Variants in GALNT13 observed in about 807,000 individuals in gnomAD.
GALNT13 encodes polypeptide N-acetylgalactosaminyltransferase 13.
Under a neutral mutation model 64.2 loss-of-function variants are expected in GALNT13, and 28 were observed. That is an observed-to-expected ratio of 0.44 (90% confidence interval 0.32 to 0.60). The LOEUF (loss-of-function observed/expected upper bound fraction) is 0.60. GALNT13 is among the 20% of genes least tolerant of loss of function. GALNT13 has a pLI of 0.05. For missense variants in GALNT13, 577 were observed against 669.8 expected, an observed-to-expected ratio of 0.86 and a Z score of 1.53; for synonymous variants, 214 against 224.6, an observed-to-expected ratio of 0.95 and a Z score of 0.42.
At chr2:153,317,363 A>G in the GALNT13 span, among the ~76,000 whole-genome samples, 1 of 152,152 alleles carries the variant, frequency 6.6e-6, no homozygotes, top group Non-Finnish European at 1.5e-5. Flanking sequence ...GATAAGCAGA[A>G]ATGAGGAATA....
At chr2:153,746,330 G>C in the GALNT13 span, among the ~76,000 whole-genome samples, 5 of 152,132 alleles carry the variant, frequency 3.3e-5, no homozygotes, top group African/African-American at 1.2e-4. Context: ...GGATTAGTTA[G>C]CTAATGGATT....
At chr2:153,411,420 G>A in the GALNT13 span, among the ~76,000 whole-genome samples, 1 of 152,084 alleles carries the variant, frequency 6.6e-6, no homozygotes, top group East Asian at 1.9e-4. Context: ...CCTGACCCAG[G>A]CTTGATGAGA....
At chr2:154,230,503 G>A (rs1322578953) in intron 4 of GALNT13, among the ~76,000 whole-genome samples, 1 of 151,978 alleles carries the variant, frequency 6.6e-6, no homozygotes, top group Admixed American at 6.6e-5. Context: ...ATTCAAGAGA[G>A]TTCTTCACAA....
At chr2:154,217,635 G>GA (rs936163684) in intron 4 of GALNT13, among the ~76,000 whole-genome samples, 2 of 151,984 alleles carry the variant, frequency 1.3e-5, no homozygotes, top group Admixed American at 1.3e-4. Flanking sequence ...ATCAAAAAAG[G>GA]AAAAAATCTT....
the GALNT13 span, among the ~76,000 whole-genome samples, chr2:153,336,554 G>C: frequency 6.6e-6 from 1 of 152,048 alleles, no homozygotes; most frequent in Non-Finnish European, 1.5e-5. Flanking sequence ...TCTCCCATTT[G>C]GAACTTCTGT....
chr2:153,926,344 G>T (rs550970940), intron 2 of GALNT13: 1 of 152,004 alleles, frequency 6.6e-6, no homozygotes, highest in Admixed American at 6.6e-5. Flanking sequence ...TTAAAAGTGA[G>T]TAGTCTTTTC....
At chr2:154,386,954 C>A (rs1698542157) in intron 9 of GALNT13, among the ~76,000 whole-genome samples, 2 of 152,052 alleles carry the variant, frequency 1.3e-5, no homozygotes, top group East Asian at 1.9e-4. Flanking sequence ...GTCTGATAAT[C>A]CTCTTCCTGT....
At chr2:154,033,411 A>G (rs1396213100) in intron 3 of GALNT13, among the ~76,000 whole-genome samples, 1 of 152,080 alleles carries the variant, frequency 6.6e-6, no homozygotes, top group Non-Finnish European at 1.5e-5. Context: ...TTTCAAGTCA[A>G]TTAATTGACA....
intron 12 of GALNT13, among the ~76,000 whole-genome samples, chr2:154,445,498 T>C (rs1338352505): frequency 6.6e-6 from 1 of 151,594 alleles, no homozygotes; most frequent in Non-Finnish European, 1.5e-5. Flanking sequence ...TTGAACAGTA[T>C]GGGTGGAAAA....
At chr2:153,945,861 T>C (rs1325194115) in intron 3 of GALNT13, among the ~76,000 whole-genome samples, 1 of 152,188 alleles carries the variant, frequency 6.6e-6, no homozygotes, top group African/African-American at 2.4e-5. Flanking sequence ...CTGAATCGCT[T>C]CCTTGTCTTT....
intron 7 of GALNT13, among the ~76,000 whole-genome samples, chr2:154,246,853 C>T (rs898193191): frequency 3.3e-5 from 5 of 151,966 alleles, no homozygotes; most frequent in African/African-American, 1.2e-4. Flanking sequence ...TGTCATCAAT[C>T]TTATAATGGA....
At chr2:153,991,226 A>G (rs568552083) in intron 3 of GALNT13, among the ~76,000 whole-genome samples, 13 of 152,342 alleles carry the variant, frequency 8.5e-5, no homozygotes, top group East Asian at 3.9e-4. Flanking sequence ...ACACATTCCA[A>G]TAAAGCACTG....
chr2:153,170,882 A>G, the GALNT13 span, among the ~76,000 whole-genome samples: 1 of 152,256 alleles, frequency 6.6e-6, no homozygotes. Flanking sequence ...TTTGTCTAAT[A>G]TAGCAGTTAT....
the GALNT13 span, among the ~76,000 whole-genome samples, chr2:153,330,688 G>A: frequency 1.3e-5 from 2 of 151,898 alleles, no homozygotes; most frequent in South Asian, 4.2e-4. Context: ...GGAGTCTTTG[G>A]GGGTTTTCTA....
intron 2 of GALNT13, among the ~76,000 whole-genome samples, chr2:153,913,128 C>T (rs901331350): frequency 1.3e-5 from 2 of 152,120 alleles, no homozygotes; most frequent in Non-Finnish European, 2.9e-5. Context: ...CATGTTCACA[C>T]TGGTGGTGGT....
At chr2:154,061,356 A>G (rs1700173561) in intron 3 of GALNT13, among the ~76,000 whole-genome samples, 2 of 152,196 alleles carry the variant, frequency 1.3e-5, no homozygotes, top group African/African-American at 4.8e-5. Context: ...GTGACCTGAC[A>G]GGTAAAAGCC....
the GALNT13 span, among the ~76,000 whole-genome samples, chr2:153,630,800 TATATATA>T: frequency 0.01 from 132 of 13,022 alleles, no homozygotes; most frequent in Non-Finnish European, 0.013. Flanking sequence ...TATATATATA[TATATATA>T]TTTTTTTTTT....
At chr2:153,324,162 A>C in the GALNT13 span, among the ~76,000 whole-genome samples, 1 of 151,970 alleles carries the variant, frequency 6.6e-6, no homozygotes, top group Non-Finnish European at 1.5e-5. Flanking sequence ...GTCCTCTCTA[A>C]CTTCCTTGAG....
chr2:154,375,782 G>A (rs1187605957), intron 9 of GALNT13, among the ~76,000 whole-genome samples: 1 of 152,136 alleles, frequency 6.6e-6, no homozygotes, highest in Middle Eastern at 3.2e-3. Flanking sequence ...GGAGGGATTA[G>A]CAAATCCGAC....
Sources: gnomAD v4.1 joint callset for allele counts (sites outside exome capture counted in the v4.1 genomes callset) on GRCh38, gnomAD v4.1.1 for gene constraint, MANE v1.5 for transcripts, NCBI Gene and HGNC (gene_info 2026-07-23, HGNC 2026-07-21) for gene names.